Variants in EPS8L1 observed in about 807,000 individuals in gnomAD.
The protein encoded by EPS8L1 is EPS8 signaling adaptor L1.
In EPS8L1, 101 loss-of-function variants were observed where a neutral mutation model predicts 91.7. The ratio of observed to expected loss-of-function variants is 1.10; its 90% CI spans 0.94 to 1.30. EPS8L1 has a LOEUF of 1.30. EPS8L1 is among the 50% of genes most tolerant of loss of function. The probability of loss-of-function intolerance (pLI) is 0.00; values close to 1 mark genes in which losing one functional copy is unlikely to be tolerated. For missense variants in EPS8L1, 1,114 were observed against 1,017.0 expected (o/e 1.10, Z -1.30); for synonymous variants, 506 against 445.3 (o/e 1.14, Z -1.72).
In EPS8L1 at chr19:55,082,301, C is replaced by T. The variant is rs1321312960; in HGVS notation, c.1017C>T (p.Asp339=). The part of the protein sequence containing the change: ...LLARLRGNIA[D]PSSPELLHFL... ...CCCGGCTGCGCGGCAACATCGCCGACCCCTCCTCTCCGGAGCTGTTGCACT... is the reference window on the plus strand; with the variant it reads ...CCCGGCTGCGCGGCAACATCGCCGATCCCTCCTCTCCGGAGCTGTTGCACT... Residue 339 remains aspartate, a synonymous_variant, in exon 11 of 20, where the codon GAC becomes GAT. Transcript: ENST00000201647. 3 of 1,612,490 alleles carry T rather than the reference C, an allele frequency of 1.9e-6. No individual in the cohort carries two copies. In the African/African-American group the frequency reaches 4.0e-5, roughly 22 times the overall value.
chr19:55,087,608 C>A lies in EPS8L1; in HGVS notation c.2166C>A (p.Val722=). The change falls in exon 20 of 20, where the codon GTC becomes GTA. Residue 722 remains valine (V), a synonymous_variant. Coordinates refer to ENST00000201647, the MANE Select transcript of EPS8L1 (RefSeq NM_133180.3). ...KKVEGEVEME[V]I ...TGGAAGGCGAGGTGGAAATGGAGGT[C>A]ATTTGACCTGCCAGGCGCCCTTCGC... 2 of 1,613,984 alleles carry A rather than the reference C, an allele frequency of 1.2e-6. No individual in the cohort carries two copies. The highest frequency in any genetic ancestry group is 2.2e-5 in the South Asian group (2 of 90,962).
At position 55,083,803 on chromosome 19, in the gene EPS8L1, A is replaced by G. The variant is rs1424453675; in HGVS notation, c.1385+159A>G. ...GGTGATGGGGCGGGCCGGGGCTGGG[A>G]GAGAGGGAGGAGCAGGGTGGGAGGG... On this transcript the variant is annotated intron_variant, in intron 14 of 19. Coordinates refer to ENST00000201647, the MANE Select transcript of EPS8L1 (RefSeq NM_133180.3). This position sits in a 1 kb window ranked among gnomAD's most constrained non-coding sequence, Gnocchi z 4.7. 23 of 353,600 alleles carry G rather than the reference A, an allele frequency of 6.5e-5. No homozygotes were observed. In the East Asian group the frequency reaches 1.7e-3, roughly 27 times the overall value. 21.9% of individuals were successfully genotyped at this position (353,600 alleles called of 1,614,324 possible).
At position 55,086,041 on chromosome 19, in the gene EPS8L1, C is replaced by T. The variant is rs1278963477; in HGVS notation, c.1519-20C>T. The T allele has an allele frequency of 1.3e-6, 2 of 1,596,310 alleles. No homozygotes were observed. The highest frequency in any genetic ancestry group is 1.7e-6 in the Non-Finnish European group (2 of 1,167,956). ...TAGCTGCAGACAGGCTCTGAACCCT[C>T]TGTTCTTTACCACACCCAGGTCCTG... is the stretch of plus-strand genomic sequence containing the variant. On this transcript the variant is annotated intron_variant, in intron 15 of 19. Transcript: ENST00000201647.
chr19:55,082,595 C>A lies in EPS8L1; in HGVS notation c.1207C>A (p.Arg403Ser), dbSNP rs749506229. The part of the protein sequence containing the change: ...LWTSLGDSWT[R>S]PGLELSPEEG... ...GACCTCGCTGGGGGACTCGTGGACC[C>A]GCCCCGGGTGAGGGGCGGGGCTGGG... The change falls in exon 12 of 20, where the codon CGC becomes AGC. Residue 403 changes from arginine to serine, a missense_variant. Coordinates refer to ENST00000201647, the MANE Select transcript of EPS8L1 (RefSeq NM_133180.3). The A allele has an allele frequency of 1.2e-5, 18 of 1,561,782 alleles. No homozygotes were observed. The Admixed American group carries it at 3.5e-4, about 30-fold the overall frequency.
rs368298723 is a variant in EPS8L1, at chr19:55,079,856, C to CG, written c.279+11dup. 1.2e-5 allele frequency: 19 copies of CG among 1,608,286 alleles called. No homozygotes were observed. The highest frequency in any genetic ancestry group is 1.4e-5 in the Non-Finnish European group (16 of 1,177,256). ...CTGCTCGACCCGGCCTCCAAGGTGC[C>CG]GGGGGGCACGTGGGTGGGAGGAGTG... is the stretch of plus-strand genomic sequence containing the variant. On this transcript the variant is annotated splice_donor_region_variant and intron_variant, in intron 5 of 19. Transcript: ENST00000201647.
chr19:55,080,008 C>A (rs1017749644), intron 5 of EPS8L1, 121 bp from the exon 6 acceptor site: 18 of 1,434,508 alleles, frequency 1.3e-5, no homozygotes, highest in African/African-American at 5.7e-5. Flanking sequence ...TTAAACAGGG[C>A]TGTTATCCCT....
In EPS8L1 at chr19:55,082,379, C is replaced by A. The variant is rs762105604; in HGVS notation, c.1065+30C>A. On this transcript the variant is annotated intron_variant, in intron 11 of 19. Transcript: ENST00000201647. Reference sequence around the variant, plus strand: ...GACCCGCCCCAGGCCCTCGGGCCCCCCTGCAGCGGGAGGAATCGGGTTCGA... The same window carrying A: ...GACCCGCCCCAGGCCCTCGGGCCCCACTGCAGCGGGAGGAATCGGGTTCGA... 7 of 1,612,574 alleles carry A rather than the reference C, an allele frequency of 4.3e-6. No homozygotes were observed. The Admixed American group carries it at 5.0e-5, about 12-fold the overall frequency.
rs1443428051 is a variant in EPS8L1 at position 55,082,028 on chromosome 19, CCT to C, written c.902-57_902-56del. 5.2e-6 allele frequency: 8 copies of C among 1,551,094 alleles called. No individual in the cohort carries two copies. In the African/African-American group the frequency reaches 6.8e-5, roughly 13 times the overall value. ...CACCGCCATCTTAACCGGGTGTCCA[CCT>C]CTCTCTGCCTGCCTGGTGCTGGCCC... On this transcript the variant is annotated intron_variant, in intron 9 of 19. Coordinates refer to ENST00000201647, the MANE Select transcript of EPS8L1 (RefSeq NM_133180.3).
chr19:55,087,164 G>C, intron 18 of EPS8L1, 139 bp from the exon 19 acceptor site: 1 of 1,323,244 alleles, frequency 7.6e-7, no homozygotes, highest in African/African-American at 1.5e-5. Flanking sequence ...GGTGGGTGGG[G>C]TTCAGGAGGT....
chr19:55,087,372 G>A lies in EPS8L1; in HGVS notation c.2022G>A (p.Ala674=). Residue 674 remains alanine (A), a synonymous_variant, in exon 19 of 20, where the codon GCG becomes GCA. Coordinates refer to ENST00000201647, the MANE Select transcript of EPS8L1 (RefSeq NM_133180.3). ...CGCTGCAGAAGGAGGAGCTGCGGGC[G>A]GTGAGCCCCGAGGAGGGGGCACGTG... ...LFSLQKEELR[A]VSPEEGARVY... 1 of 1,613,118 alleles carries A rather than the reference G, an allele frequency of 6.2e-7. No individual in the cohort carries two copies. The highest frequency in any genetic ancestry group is 8.5e-7 in the Non-Finnish European group (1 of 1,179,572).
At chr19:55,082,857 A>G (rs1220167760) in intron 12 of EPS8L1, among the ~76,000 whole-genome samples, 1 of 103,738 alleles carries the variant, frequency 9.6e-6, no homozygotes, top group African/African-American at 3.8e-5. Context: ...TTAAAGGAAT[A>G]GAGGGGCTAG....
intron 2 of EPS8L1, among the ~76,000 whole-genome samples, chr19:55,077,780 G>A (rs1568773729): frequency 6.6e-6 from 1 of 150,738 alleles, no homozygotes; most frequent in Admixed American, 6.6e-5. Context: ...GTAGAGACAG[G>A]GTTTCACCAT....
Position 55,083,605 on chromosome 19 carries a change from A to T in EPS8L1, c.1357-11A>T. ...TGGCCCCGCCTGACCCGACTGTCTT[A>T]CTTCCTACAGCAAAGCGCCCCCCAG... On this transcript the variant is annotated splice_polypyrimidine_tract_variant and intron_variant, in intron 13 of 19. Coordinates refer to ENST00000201647, the MANE Select transcript of EPS8L1 (RefSeq NM_133180.3). The surrounding 1 kb of genome is among the most constrained non-coding windows in gnomAD (Gnocchi z 4.7). 6.3e-7 allele frequency: 1 copy of T among 1,597,034 alleles called. No individual in the cohort carries two copies. The highest frequency in any genetic ancestry group is 1.1e-5 in the South Asian group (1 of 89,006).
intron 18 of EPS8L1, 108 bp from the exon 19 acceptor site, chr19:55,087,195 A>C: frequency 6.9e-7 from 1 of 1,451,794 alleles, no homozygotes; most frequent in Middle Eastern, 2.5e-4. Context: ...CCCCCGCTAG[A>C]GCTAGAATGC....
Position 55,081,621 on chromosome 19 carries a change from TG to T in EPS8L1, c.774+132del. Reference sequence around the variant, plus strand: ...GACTTCTGCGTTATGGAAGAGGGGCTGGGTCGGGGGCGGGGCTTGGTTGTGG... The same window carrying T: ...GACTTCTGCGTTATGGAAGAGGGGCTGGTCGGGGGCGGGGCTTGGTTGTGG... On this transcript the variant is annotated intron_variant, in intron 8 of 19. Coordinates refer to ENST00000201647, the MANE Select transcript of EPS8L1 (RefSeq NM_133180.3). This position sits in a 1 kb window ranked among gnomAD's most constrained non-coding sequence, Gnocchi z 4.9. 3.3e-6 allele frequency: 1 copy of T among 304,544 alleles called. No individual in the cohort carries two copies. The highest frequency in any genetic ancestry group is 5.4e-6 in the Non-Finnish European group (1 of 185,470). 18.9% of individuals were successfully genotyped at this position (304,544 alleles called of 1,614,324 possible).
Position 55,086,406 on chromosome 19 carries a change from T to A in EPS8L1, c.1665T>A (p.Pro555=), listed in dbSNP as rs1360678516. The change falls in exon 17 of 20, where the codon CCT becomes CCA. Residue 555 remains proline, a synonymous_variant. Transcript: ENST00000201647. ...CTTCCTTTCAGAACAGCACTCCTCC[T>A]CCACCACCAGCCCCAGCCCCGGCCC... ...SPARSLNSTP[P]PPPAPAPAPP... The A allele has an allele frequency of 7.0e-6, 11 of 1,569,962 alleles. No homozygotes were observed. The highest frequency in any genetic ancestry group is 2.3e-5 in the East Asian group (1 of 42,980).
In EPS8L1 at chr19:55,085,949, G is replaced by A. The variant is rs568594733; in HGVS notation, c.1494G>A (p.Ser498=). 5 of 1,613,618 alleles carry A rather than the reference G, an allele frequency of 3.1e-6. No homozygotes were observed. The highest frequency in any genetic ancestry group is 3.3e-4 in the Middle Eastern group (2 of 6,062). Residue 498 remains serine (S), a synonymous_variant, in exon 15 of 20, where the codon TCG becomes TCA. Coordinates refer to ENST00000201647, the MANE Select transcript of EPS8L1 (RefSeq NM_133180.3). ...DFQARNSSEL[S]VKQRDVLEVL... ...AGGCCCGCAACAGCAGTGAGCTGTC[G>A]GTCAAGCAGCGGGACGTACTGGAGG...
chr19:55,083,560 G>A lies in EPS8L1; in HGVS notation c.1356+41G>A, dbSNP rs62619976. ...CAGCAGGGCCGAGGCTGGGAAGTCC[G>A]GGGGCGCGGCCGGTCCGCCTGGCCC... On this transcript the variant is annotated intron_variant, in intron 13 of 19. Transcript: ENST00000201647. The surrounding 1 kb of genome is among the most constrained non-coding windows in gnomAD (Gnocchi z 4.7). 7 of 1,597,878 alleles carry A rather than the reference G, an allele frequency of 4.4e-6. No homozygotes were observed. Among genetic ancestry groups the A allele is most frequent in the Non-Finnish European group, 4.3e-6 (5 of 1,172,412 alleles).
In EPS8L1 at chr19:55,081,545, G is replaced by A. The variant is rs1011217194; in HGVS notation, c.774+53G>A. The A allele has an allele frequency of 6.7e-7, 1 of 1,500,868 alleles. No homozygotes were observed. Among genetic ancestry groups the A allele is most frequent in the Non-Finnish European group, 8.9e-7 (1 of 1,127,666 alleles). 93.0% of individuals were successfully genotyped at this position (1,500,868 alleles called of 1,614,324 possible). A position where few individuals can be genotyped will look rare whatever the true frequency, so the allele number is the denominator to read the frequency against. On this transcript the variant is annotated intron_variant, in intron 8 of 19. Coordinates refer to ENST00000201647, the MANE Select transcript of EPS8L1 (RefSeq NM_133180.3). This position sits in a 1 kb window ranked among gnomAD's most constrained non-coding sequence, Gnocchi z 4.9. The stretch of plus-strand genomic sequence containing the variant: ...GCAGGGCCAGGCGACTGGAGGCGGG[G>A]CTAGGGCGTGGAAGGGCGGGGCCGG...
Sources: allele counts gnomAD v4.1 joint callset (sites outside exome capture counted in the v4.1 genomes callset), GRCh38; gene constraint gnomAD v4.1.1; non-coding constraint Gnocchi (gnomAD v3.1); transcripts MANE v1.5; gene names NCBI Gene and HGNC (gene_info 2026-07-23, HGNC 2026-07-21).